ITPR1: variants seen among roughly 807,000 people sequenced by gnomAD.
ITPR1 encodes the protein inositol 1,4,5-trisphosphate-gated calcium channel ITPR1.
In ITPR1, 96 loss-of-function variants were observed where a neutral mutation model predicts 318.4. The observed-to-expected ratio is 0.30, with a 90% confidence interval of 0.26 to 0.36. The LOEUF is 0.36. ITPR1 is among the 10% of genes least tolerant of loss of function. The probability of loss-of-function intolerance (pLI) is 1.00; values close to 1 mark genes in which losing one functional copy is unlikely to be tolerated. For missense variants in ITPR1, 2,440 were observed against 3,460.2 expected, an observed-to-expected ratio of 0.71 and a Z score of 7.40; for synonymous variants, 1,312 against 1,289.9, an observed-to-expected ratio of 1.02 and a Z score of -0.37.
chr3:4,699,038 G>A (rs960746263), intron 34 of ITPR1, among the ~76,000 whole-genome samples: 4 of 152,062 alleles, frequency 2.6e-5, no homozygotes, highest in African/African-American at 9.7e-5. Flanking sequence ...TAATTGAATG[G>A]AAGATTGTTG....
Position 4,635,546 on chromosome 3 carries a change from T to C in ITPR1, c.280-3838T>C, listed in dbSNP as rs541454970. Among the ~76,000 whole-genome samples, 751 of 152,018 alleles carry C rather than the reference T, an allele frequency of 4.9e-3. 5 individuals carry two copies. Among genetic ancestry groups the C allele is most frequent in the Middle Eastern group, 0.014 (4 of 294 alleles). ...TTTTTTAGTAGAGACGGGGTTTCCCTGTGTTAGCCAGGATGGTCTCGATCT... is the reference window on the plus strand; with the variant it reads ...TTTTTTAGTAGAGACGGGGTTTCCCCGTGTTAGCCAGGATGGTCTCGATCT... On this transcript the variant is annotated intron_variant, in intron 5 of 61. Coordinates refer to ENST00000649015, the MANE Select transcript of ITPR1 (RefSeq NM_001378452.1).
intron 57 of ITPR1, among the ~76,000 whole-genome samples, chr3:4,813,436 A>T (rs2049071788): frequency 6.6e-6 from 1 of 152,198 alleles, no homozygotes; most frequent in Non-Finnish European, 1.5e-5. Flanking sequence ...CAGCCGATTT[A>T]TACTGAGTGC....
chr3:4,699,422 G>A (rs1225381351), intron 34 of ITPR1, among the ~76,000 whole-genome samples: 1 of 152,110 alleles, frequency 6.6e-6, no homozygotes, highest in East Asian at 1.9e-4. Context: ...CTATTTGGAT[G>A]AGGAAACCAT....
At chr3:4,784,062 C>T (rs778182185) in intron 51 of ITPR1, 142 bp downstream of exon 51, 35 of 593,176 alleles carry the variant, frequency 5.9e-5, no homozygotes, top group Non-Finnish European at 9.7e-5. Flanking sequence ...GGGCTGGGTG[C>T]TGGACATCCC....
chr3:4,657,059 C>A (rs2093726735), intron 12 of ITPR1, among the ~76,000 whole-genome samples: 1 of 152,192 alleles, frequency 6.6e-6, no homozygotes, highest in African/African-American at 2.4e-5. Context: ...CAGAGATTTT[C>A]TTCGCTCTCA....
intron 44 of ITPR1, among the ~76,000 whole-genome samples, chr3:4,738,738 T>A (rs2043471213): frequency 6.6e-6 from 1 of 151,844 alleles, no homozygotes; most frequent in African/African-American, 2.4e-5. Context: ...TTATGAATAT[T>A]AGTTTCATGG....
chr3:4,586,898 G>A (rs1295737680), intron 4 of ITPR1, among the ~76,000 whole-genome samples: 1 of 152,036 alleles, frequency 6.6e-6, no homozygotes, highest in East Asian at 1.9e-4. Flanking sequence ...TTACCTTATT[G>A]TGGTTTTCTC....
At chr3:4,684,397 G>T in intron 29 of ITPR1, 51 bp downstream of exon 29, 1 of 1,337,252 alleles carries the variant, frequency 7.5e-7, no homozygotes, top group Admixed American at 1.8e-5. Flanking sequence ...ATTCTCTAAG[G>T]AGCTTTAGTT....
intron 5 of ITPR1, among the ~76,000 whole-genome samples, chr3:4,634,943 A>C (rs1447588083): frequency 5.3e-5 from 8 of 152,164 alleles, no homozygotes; most frequent in Admixed American, 4.6e-4. Context: ...GGGTTTGGCC[A>C]TGTTGGCCAG....
intron 14 of ITPR1, among the ~76,000 whole-genome samples, chr3:4,661,763 C>T (rs916151536): frequency 1.4e-4 from 22 of 152,254 alleles, no homozygotes; most frequent in African/African-American, 5.1e-4. Context: ...TACCATTTTC[C>T]ATATTTGCTT....
chr3:4,721,320 T>C (rs2042151678), intron 40 of ITPR1, among the ~76,000 whole-genome samples: 1 of 151,904 alleles, frequency 6.6e-6, no homozygotes, highest in Non-Finnish European at 1.5e-5. Flanking sequence ...CTATAAACTG[T>C]AGGTGAAACC....
At chr3:4,663,718 T>G (rs1003658008) in intron 16 of ITPR1, among the ~76,000 whole-genome samples, 1 of 152,248 alleles carries the variant, frequency 6.6e-6, no homozygotes, top group Admixed American at 6.5e-5. Context: ...TTCTATGGGT[T>G]TTGATAAATG....
intron 4 of ITPR1, among the ~76,000 whole-genome samples, chr3:4,622,899 T>C (rs888718415): frequency 1.3e-5 from 2 of 152,222 alleles, no homozygotes; most frequent in Admixed American, 1.3e-4. Flanking sequence ...TACCAAAACA[T>C]ACAAAACAGA....
chr3:4,632,261 T>C (rs1351878263), intron 5 of ITPR1, among the ~76,000 whole-genome samples: 1 of 152,272 alleles, frequency 6.6e-6, no homozygotes, highest in Non-Finnish European at 1.5e-5. Flanking sequence ...GTGTCTTTAG[T>C]TGTCCTCACT....
chr3:4,494,856 G>C (rs2080429341), intron 2 of ITPR1, among the ~76,000 whole-genome samples: 1 of 152,242 alleles, frequency 6.6e-6, no homozygotes, highest in South Asian at 2.1e-4. Flanking sequence ...GCCAAAATGT[G>C]TAAGCAGTAT....
chr3:4,625,078 C>T (rs903595297), intron 4 of ITPR1, among the ~76,000 whole-genome samples: 3 of 152,132 alleles, frequency 2.0e-5, no homozygotes, highest in Non-Finnish European at 4.4e-5. Flanking sequence ...AGAAATTATT[C>T]AGTAGATGGA....
intron 18 of ITPR1, 78 bp downstream of exon 18, chr3:4,667,627 C>G: frequency 7.3e-7 from 1 of 1,374,988 alleles, no homozygotes; most frequent in Non-Finnish European, 9.9e-7. Flanking sequence ...CTTTTTACTA[C>G]GTTTCCTTGT....
intron 60 of ITPR1, among the ~76,000 whole-genome samples, chr3:4,829,798 A>G (rs1286898556): frequency 6.6e-6 from 1 of 152,000 alleles, no homozygotes; most frequent in Non-Finnish European, 1.5e-5. Context: ...CACCTTTAGA[A>G]TATCACACAG....
intron 23 of ITPR1, 91 bp downstream of exon 23, chr3:4,675,339 C>A (rs1396410005): frequency 9.2e-6 from 8 of 872,910 alleles, no homozygotes; most frequent in Non-Finnish European, 1.4e-5. Flanking sequence ...ATGCCACATC[C>A]TTTCTTTGTT....
Sources: gnomAD v4.1 joint callset for allele counts (sites outside exome capture counted in the v4.1 genomes callset) on GRCh38, gnomAD v4.1.1 for gene constraint, MANE v1.5 for transcripts, NCBI Gene and HGNC (gene_info 2026-07-23, HGNC 2026-07-21) for gene names.